MTRF1: variants seen among roughly 807,000 people sequenced by gnomAD.
MTRF1 encodes the protein mitochondrial translation release factor 1, also known as peptide chain release factor 1, mitochondrial.
A neutral mutation model predicts 62.9 loss-of-function variants in MTRF1; 51 were observed. The observed-to-expected ratio is 0.81, with a 90% CI of 0.65 to 1.02. The LOEUF (loss-of-function observed/expected upper bound fraction) is 1.02, where lower values mean the gene tolerates loss of function less well. Among genes scored for constraint, MTRF1 ranks in the 50% least tolerant of loss-of-function variants. The probability of loss-of-function intolerance (pLI) is 0.00; values close to 1 mark genes in which losing one functional copy is unlikely to be tolerated. For missense variants in MTRF1, 446 were observed against 530.0 expected (o/e 0.84, Z 1.56); for synonymous variants, 158 against 181.9 (o/e 0.87, Z 1.06).
At chr13:41,311,250 A>G in the MTRF1 span, 7 of 524,376 alleles carry the variant, frequency 1.3e-5, no homozygotes, top group East Asian at 1.4e-4. Flanking sequence ...CGGGAGGCGG[A>G]CCCTGGCTGC....
At chr13:41,229,422 A>C (rs2035098290) in intron 7 of MTRF1, 3 of 152,210 alleles carry the variant, frequency 2.0e-5, no homozygotes. Context: ...GCTACAGAAC[A>C]CCAGGACTAA....
intron 2 of MTRF1, 51 bp downstream of exon 2, chr13:41,260,442 G>T (rs2040314081): frequency 2.9e-6 from 4 of 1,370,894 alleles, no homozygotes; most frequent in Middle Eastern, 1.9e-4. Flanking sequence ...TAAGTGTGTG[G>T]TTTTTTTTTT....
chr13:41,228,569 A>G (rs977809979), intron 7 of MTRF1, among the ~76,000 whole-genome samples: 1 of 152,156 alleles, frequency 6.6e-6, no homozygotes, highest in Non-Finnish European at 1.5e-5. Flanking sequence ...ACCCAGTCTC[A>G]AAAGAAAGAA....
chr13:41,233,079 G>A (rs2035879396), intron 7 of MTRF1, among the ~76,000 whole-genome samples: 1 of 151,466 alleles, frequency 6.6e-6, no homozygotes, highest in Non-Finnish European at 1.5e-5. Context: ...TATAAGAAGG[G>A]CAAAATTCTC....
At position 41,230,716 on chromosome 13, in the gene MTRF1, G is replaced by A. The variant is rs145105901; in HGVS notation, c.988+3174C>T. On this transcript the variant is annotated intron_variant, in intron 7 of 9. Coordinates refer to ENST00000379480, the MANE Select transcript of MTRF1 (RefSeq NM_004294.4). The stretch of plus-strand genomic sequence containing the variant: ...CAATCATAATCATGTCTGACTTCAA[G>A]ATGGTTTCCCTTTTTTTTTTTTTGA... Among the ~76,000 whole-genome samples, 146 of 139,838 alleles carry A rather than the reference G, an allele frequency of 1.0e-3. 3 individuals are homozygous for A. In the East Asian group the frequency reaches 0.029, roughly 28 times the overall value. 91.7% of individuals were successfully genotyped at this position (139,838 alleles called of 152,430 possible).
the MTRF1 span, among the ~76,000 whole-genome samples, chr13:41,300,324 C>T: frequency 3.3e-5 from 5 of 152,118 alleles, no homozygotes; most frequent in East Asian, 1.9e-4. Context: ...CCGTGGCTCA[C>T]GCTAGTAATC....
chr13:41,271,283 C>A, the MTRF1 span, among the ~76,000 whole-genome samples: 1 of 152,140 alleles, frequency 6.6e-6, no homozygotes, highest in Admixed American at 6.5e-5. Context: ...CCTTAGGGCT[C>A]TTTTCCCTTA....
chr13:41,306,519 C>T, the MTRF1 span, among the ~76,000 whole-genome samples: 594 of 152,246 alleles, frequency 3.9e-3, 6 homozygotes, highest in African/African-American at 0.013. Context: ...GTTAAATTGG[C>T]TGTGGGAATA....
intron 9 of MTRF1, among the ~76,000 whole-genome samples, chr13:41,218,772 G>T (rs2032502380): frequency 6.6e-6 from 1 of 152,154 alleles, no homozygotes; most frequent in Admixed American, 6.5e-5. Context: ...TAATCTTATA[G>T]TTAAGTCTTT....
chr13:41,286,160 A>G, the MTRF1 span, among the ~76,000 whole-genome samples: 2 of 151,732 alleles, frequency 1.3e-5, no homozygotes, highest in Admixed American at 1.3e-4. Flanking sequence ...ATATGTAGCA[A>G]TCTTATAGGA....
the MTRF1 span, among the ~76,000 whole-genome samples, chr13:41,270,355 A>C: frequency 9.4e-3 from 1,435 of 152,268 alleles, 21 homozygotes; most frequent in African/African-American, 0.033. Context: ...TATTTGATTC[A>C]CATATTTTTA....
At chr13:41,260,348 G>C (rs2040301152) in intron 2 of MTRF1, 145 bp downstream of exon 2, 1 of 831,206 alleles carries the variant, frequency 1.2e-6, no homozygotes. Flanking sequence ...GTGAGAACCT[G>C]CTTCTGTGGG....
In MTRF1 at chr13:41,226,418, C is replaced by T; in HGVS notation, c.1125+14G>A. The T allele has an allele frequency of 6.3e-7, 1 of 1,599,836 alleles. No individual in the cohort carries two copies. The highest frequency in any genetic ancestry group is 1.7e-4 in the Middle Eastern group (1 of 6,012). ...TTAAACAGTCACTAAATTATTATAC[C>T]AAGTAAATCTTACCTGCAGTTTTCT... On this transcript the variant is annotated intron_variant, in intron 8 of 9. Coordinates refer to ENST00000379480, the MANE Select transcript of MTRF1 (RefSeq NM_004294.4).
the MTRF1 span, among the ~76,000 whole-genome samples, chr13:41,283,422 T>C: frequency 6.6e-6 from 1 of 152,092 alleles, no homozygotes; most frequent in Non-Finnish European, 1.5e-5. Context: ...GCCCCTTCAT[T>C]GGAAATTCTT....
At chr13:41,282,153 AG>A in the MTRF1 span, among the ~76,000 whole-genome samples, 2 of 151,710 alleles carry the variant, frequency 1.3e-5, no homozygotes, top group South Asian at 2.1e-4. Context: ...AAAAAAAAAA[AG>A]AAAATACTCT....
chr13:41,256,192 A>G (rs1566165977), intron 2 of MTRF1, among the ~76,000 whole-genome samples: 1 of 152,150 alleles, frequency 6.6e-6, no homozygotes, highest in Non-Finnish European at 1.5e-5. Flanking sequence ...ACATGATTAC[A>G]ATATGAGATG....
At chr13:41,294,429 A>AG in the MTRF1 span, among the ~76,000 whole-genome samples, 23 of 150,812 alleles carry the variant, frequency 1.5e-4, 1 homozygote, top group East Asian at 1.2e-3. Context: ...AAAAAAAAAA[A>AG]AAAGAAAGAA....
rs1468802390 is a variant in MTRF1, at chr13:41,254,559, A to G, written c.477T>C (p.Ile159=). 6.2e-7 allele frequency: 1 copy of G among 1,613,674 alleles called. No individual in the cohort carries two copies. The highest frequency in any genetic ancestry group is 1.1e-5 in the South Asian group (1 of 91,036). ...QELALEERQT[I]DQKINMLYNE... is the part of the protein sequence containing the mutation. ...TGTACAACATGTTGATTTTTTGATC[A>G]ATGGTTTGCCTTTCTTCCAGTGCAA... The change falls in exon 3 of 10, where the codon ATT becomes ATC. Residue 159 remains isoleucine (I), a synonymous_variant. Coordinates refer to ENST00000379480, the MANE Select transcript of MTRF1 (RefSeq NM_004294.4).
intron 6 of MTRF1, among the ~76,000 whole-genome samples, chr13:41,239,810 G>A (rs988611268): frequency 2.6e-4 from 39 of 152,116 alleles, no homozygotes; most frequent in Non-Finnish European, 3.8e-4. Flanking sequence ...ACTTTGCCTA[G>A]GGGAGAGTTA....
Sources: allele counts gnomAD v4.1 joint callset (sites outside exome capture counted in the v4.1 genomes callset), GRCh38; gene constraint gnomAD v4.1.1; transcripts MANE v1.5; gene names NCBI Gene and HGNC (gene_info 2026-07-23, HGNC 2026-07-21).